The following CNTN4 variants were observed in gnomAD, a reference collection of about 807,000 sequenced individuals.
The protein encoded by CNTN4 is contactin-4.
Under a neutral mutation model 122.5 loss-of-function variants are expected in CNTN4, and 77 were observed. That is an observed-to-expected ratio of 0.63 (90% CI 0.52 to 0.76). The LOEUF (loss-of-function observed/expected upper bound fraction) is 0.76, where lower values mean the gene tolerates loss of function less well. Ranked by LOEUF, CNTN4 falls within the 30% of genes least tolerant of loss-of-function variation. The pLI is 0.00. For missense variants in CNTN4, 1,256 were observed against 1,259.1 expected, an observed-to-expected ratio of 1.00 and a Z score of 0.04; for synonymous variants, 512 against 447.0, an observed-to-expected ratio of 1.15 and a Z score of -1.83.
chr3:2,509,460 T>C (rs1223893655), intron 3 of CNTN4, among the ~76,000 whole-genome samples: 1 of 152,204 alleles, frequency 6.6e-6, no homozygotes, highest in Non-Finnish European at 1.5e-5. Context: ...TTTAGTAAAA[T>C]TTCAAAAATG....
intron 2 of CNTN4, among the ~76,000 whole-genome samples, chr3:2,185,443 C>A (rs1415603467): frequency 6.6e-6 from 1 of 152,112 alleles, no homozygotes; most frequent in African/African-American, 2.4e-5. Flanking sequence ...TATCCCAGAT[C>A]TTTCAGGAGG....
intron 2 of CNTN4, among the ~76,000 whole-genome samples, chr3:2,293,264 G>A (rs1053577980): frequency 6.6e-6 from 1 of 152,006 alleles, no homozygotes; most frequent in African/African-American, 2.4e-5. Context: ...TGGAAAAACG[G>A]GAATATTAGT....
chr3:2,568,852 A>G (rs539275465), intron 3 of CNTN4, among the ~76,000 whole-genome samples: 12 of 152,332 alleles, frequency 7.9e-5, no homozygotes, highest in East Asian at 3.9e-4. Flanking sequence ...TGTAAATACT[A>G]TCATATCATG....
intron 7 of CNTN4, among the ~76,000 whole-genome samples, chr3:2,826,671 C>A (rs574116496): frequency 6.6e-6 from 1 of 152,156 alleles, no homozygotes; most frequent in Admixed American, 6.5e-5. Flanking sequence ...TAAGATATCA[C>A]CTTCAGAGTT....
chr3:2,421,771 G>C (rs1268878572), intron 3 of CNTN4, among the ~76,000 whole-genome samples: 1 of 151,860 alleles, frequency 6.6e-6, no homozygotes, highest in Non-Finnish European at 1.5e-5. Context: ...TACTTTGTTA[G>C]AAAAAATGCT....
At chr3:2,546,048 A>G (rs1276472219) in intron 3 of CNTN4, among the ~76,000 whole-genome samples, 1 of 152,100 alleles carries the variant, frequency 6.6e-6, no homozygotes, top group African/African-American at 2.4e-5. Context: ...GAAAAAAGGG[A>G]ATGCTTATAC....
At chr3:2,568,779 T>C (rs1240928996) in intron 3 of CNTN4, among the ~76,000 whole-genome samples, 8 of 152,162 alleles carry the variant, frequency 5.3e-5, no homozygotes, top group Admixed American at 2.0e-4. Flanking sequence ...TGTAAATAAA[T>C]GCCAATAGGA....
intron 6 of CNTN4, among the ~76,000 whole-genome samples, chr3:2,770,474 G>A (rs980607199): frequency 1.3e-5 from 2 of 152,216 alleles, no homozygotes; most frequent in Non-Finnish European, 2.9e-5. Context: ...CCCAAGAGAG[G>A]AAGTGCATTG....
At chr3:2,630,424 T>TTG (rs1212648148) in intron 4 of CNTN4, among the ~76,000 whole-genome samples, 1 of 152,086 alleles carries the variant, frequency 6.6e-6, no homozygotes, top group Non-Finnish European at 1.5e-5. Flanking sequence ...GGGCGACAGA[T>TTG]TGAGACCCTG....
chr3:2,952,033 C>T (rs911716287), intron 13 of CNTN4, among the ~76,000 whole-genome samples: 3 of 152,212 alleles, frequency 2.0e-5, no homozygotes, highest in African/African-American at 7.2e-5. Context: ...TCAGTAAACA[C>T]AGAGAGGCCA....
chr3:2,578,154 A>G (rs111254193), intron 4 of CNTN4, among the ~76,000 whole-genome samples: 4 of 152,304 alleles, frequency 2.6e-5, no homozygotes, highest in African/African-American at 9.6e-5. Context: ...AAAAATATAT[A>G]CAAACCTGCA....
chr3:2,882,257 C>G (rs1226798481), intron 8 of CNTN4, among the ~76,000 whole-genome samples: 1 of 151,498 alleles, frequency 6.6e-6, no homozygotes, highest in East Asian at 1.9e-4. Flanking sequence ...CCTAGCAACT[C>G]GGGGAGGCTG....
intron 2 of CNTN4, among the ~76,000 whole-genome samples, chr3:2,203,331 A>T (rs1215137464): frequency 1.3e-5 from 2 of 152,112 alleles, no homozygotes; most frequent in Non-Finnish European, 2.9e-5. Context: ...TGTTTAAAAG[A>T]TACTATGCTA....
intron 3 of CNTN4, among the ~76,000 whole-genome samples, chr3:2,519,768 T>A (rs531551860): frequency 2.0e-5 from 3 of 152,322 alleles, no homozygotes; most frequent in African/African-American, 7.2e-5. Context: ...ATTTTTAAAA[T>A]GTGTGAAAGC....
intron 7 of CNTN4, among the ~76,000 whole-genome samples, chr3:2,846,024 A>T (rs548880907): frequency 6.6e-6 from 1 of 152,226 alleles, no homozygotes; most frequent in Non-Finnish European, 1.5e-5. Flanking sequence ...TTCCTTAAGA[A>T]GGTGTGGGAG....
At chr3:2,741,425 A>G (rs1185532013) in intron 5 of CNTN4, among the ~76,000 whole-genome samples, 1 of 152,202 alleles carries the variant, frequency 6.6e-6, no homozygotes, top group African/African-American at 2.4e-5. Context: ...GTAAGAAAAC[A>G]ACAACTCTCT....
At chr3:3,032,568 G>A (rs1430455582) in intron 16 of CNTN4, among the ~76,000 whole-genome samples, 3 of 152,168 alleles carry the variant, frequency 2.0e-5, no homozygotes, top group African/African-American at 7.2e-5. Context: ...ATTACAGAGG[G>A]GGAGGCAGGA....
chr3:2,938,950 A>G (rs1209653011), intron 13 of CNTN4, among the ~76,000 whole-genome samples: 4 of 152,170 alleles, frequency 2.6e-5, no homozygotes, highest in Non-Finnish European at 5.9e-5. Context: ...GGATATTAAA[A>G]CCAGACAGGC....
At chr3:2,212,894 A>G (rs2038683152) in intron 2 of CNTN4, among the ~76,000 whole-genome samples, 1 of 152,198 alleles carries the variant, frequency 6.6e-6, no homozygotes, top group African/African-American at 2.4e-5. Flanking sequence ...GACTGAAAAT[A>G]ATATTTCCCA....
Sources: gnomAD v4.1 joint callset for allele counts (sites outside exome capture counted in the v4.1 genomes callset) on GRCh38, gnomAD v4.1.1 for gene constraint, MANE v1.5 for transcripts, NCBI Gene and HGNC (gene_info 2026-07-23, HGNC 2026-07-21) for gene names.